The following ZFHX4 variants were observed in gnomAD, a reference collection of about 807,000 sequenced individuals.
The protein encoded by ZFHX4 is zinc finger homeobox protein 4.
Under a neutral mutation model 267.6 loss-of-function variants are expected in ZFHX4, and 56 were observed. That is an observed-to-expected ratio of 0.21 (90% CI 0.17 to 0.26). ZFHX4 has a LOEUF of 0.26. ZFHX4 is among the 10% of genes least tolerant of loss of function. The probability of loss-of-function intolerance (pLI) is 1.00; values close to 1 mark genes in which losing one functional copy is unlikely to be tolerated. For synonymous variants in ZFHX4, 1,778 were observed against 1,665.6 expected, an observed-to-expected ratio of 1.07 and a Z score of -1.64; for missense variants, 4,332 against 4,420.0, an observed-to-expected ratio of 0.98 and a Z score of 0.56.
intron 4 of ZFHX4, among the ~76,000 whole-genome samples, chr8:76,831,781 C>T (rs1353062557): frequency 6.6e-6 from 1 of 151,992 alleles, no homozygotes; most frequent in African/African-American, 2.4e-5. Context: ...ATAGGAGGCT[C>T]ACAGAGGAAG....
intron 4 of ZFHX4, among the ~76,000 whole-genome samples, chr8:76,814,956 C>A (rs925589548): frequency 6.6e-6 from 1 of 151,834 alleles, no homozygotes; most frequent in African/African-American, 2.4e-5. Context: ...TTTAGAATAG[C>A]CTGTAATGGA....
intron 5 of ZFHX4, among the ~76,000 whole-genome samples, chr8:76,835,996 C>T (rs981884939): frequency 1.1e-4 from 17 of 152,112 alleles, no homozygotes; most frequent in African/African-American, 3.9e-4. Flanking sequence ...CTCCTCTTTT[C>T]TCCATCTCAA....
chr8:76,823,063 A>G (rs1354185247), intron 4 of ZFHX4, among the ~76,000 whole-genome samples: 1 of 150,924 alleles, frequency 6.6e-6, no homozygotes, highest in Non-Finnish European at 1.5e-5. Flanking sequence ...AAATGACTCT[A>G]CTACCTTTCT....
intron 10 of ZFHX4, 96 bp downstream of exon 10, chr8:76,856,396 A>C (rs962951360): frequency 7.3e-6 from 10 of 1,361,368 alleles, no homozygotes; most frequent in African/African-American, 2.9e-5. Flanking sequence ...GATTTCTTTT[A>C]ATTTCAGCTA....
chr8:76,829,321 T>G (rs1746386901), intron 4 of ZFHX4, among the ~76,000 whole-genome samples: 1 of 151,526 alleles, frequency 6.6e-6, no homozygotes, highest in Non-Finnish European at 1.5e-5. Flanking sequence ...GATGGGAACT[T>G]GATGATTTTT....
In ZFHX4 at chr8:76,830,424, G is replaced by A. The variant is rs554239827; in HGVS notation, c.3326-2914G>A. Among the ~76,000 whole-genome samples, 5 of 152,260 alleles carry A rather than the reference G, an allele frequency of 3.3e-5. No homozygotes were observed. The South Asian group carries it at 6.2e-4, about 19-fold the overall frequency. Reference sequence around the variant, plus strand: ...AAATTACCAGCAAAAGAGACAAATCGTGTTAACAGCAGTCAGATTTGTTAT... The same window carrying A: ...AAATTACCAGCAAAAGAGACAAATCATGTTAACAGCAGTCAGATTTGTTAT... On this transcript the variant is annotated intron_variant, in intron 4 of 10. Transcript: ENST00000651372.
At chr8:76,741,186 A>G in intron 3 of ZFHX4, among the ~76,000 whole-genome samples, 1 of 152,338 alleles carries the variant, frequency 6.6e-6, no homozygotes, top group African/African-American at 2.4e-5. Flanking sequence ...GAGGGTTCAG[A>G]ATATCTGGAG....
chr8:76,683,758 C>A (rs190882975), intron 1 of ZFHX4: 2 of 148,826 alleles, frequency 1.3e-5, no homozygotes, highest in Non-Finnish European at 3.0e-5. Flanking sequence ...TCCCTATAAA[C>A]GTGGAGTGGT....
chr8:76,849,946 A>G, intron 8 of ZFHX4: 1 of 589,920 alleles, frequency 1.7e-6, no homozygotes, highest in Non-Finnish European at 3.0e-6. Flanking sequence ...TCTTCTTTTT[A>G]TATCTATAAT....
At chr8:76,721,444 G>A (rs1387260711) in intron 3 of ZFHX4, among the ~76,000 whole-genome samples, 1 of 152,164 alleles carries the variant, frequency 6.6e-6, no homozygotes, top group Non-Finnish European at 1.5e-5. Flanking sequence ...AGGCAAATGA[G>A]ACAGACACAA....
chr8:76,705,633 A>G lies in ZFHX4; in HGVS notation c.1545A>G (p.Leu515=), dbSNP rs1808238550. ...QSISPLSSSV[L]KFIEKGTSSS... is the part of the protein sequence containing the mutation. The stretch of plus-strand genomic sequence containing the variant: ...TTTCTCCTTTATCATCCAGTGTGCT[A>G]AAATTTATTGAAAAGGGTACCTCGT... Residue 515 remains leucine, a synonymous_variant, in exon 2 of 11, where the codon CTA becomes CTG. Coordinates refer to ENST00000651372, the MANE Select transcript of ZFHX4 (RefSeq NM_024721.5). 3.1e-6 allele frequency: 5 copies of G among 1,613,854 alleles called. No individual in the cohort carries two copies. Among genetic ancestry groups the G allele is most frequent in the Non-Finnish European group, 4.2e-6 (5 of 1,179,872 alleles).
rs76320093 is a variant in ZFHX4 at position 76,863,198 on chromosome 8, C to A, written c.9484C>A (p.Pro3162Thr). The change falls in exon 11 of 11, where the codon CCA becomes ACA. Residue 3162 changes from proline (P) to threonine (T), a missense_variant. Around this residue, in one of 7 missense-constraint regions of ZFHX4, gnomAD observed 1,648 missense variants for 1,625.0 expected, o/e 1.01. Coordinates refer to ENST00000651372, the MANE Select transcript of ZFHX4 (RefSeq NM_024721.5). ...SAPTKPLLQT[P>T]PPPPPPPPPP... ...CCCCACCAAACCTTTGCTGCAGACT[C>A]CACCACCTCCACCACCTCCTCCTCC... The A allele has an allele frequency of 1.3e-6, 2 of 1,565,088 alleles. No individual in the cohort carries two copies. Among genetic ancestry groups the A allele is most frequent in the East Asian group, 4.8e-5 (2 of 41,978 alleles).
intron 3 of ZFHX4, among the ~76,000 whole-genome samples, chr8:76,753,235 T>C (rs534106864): frequency 2.6e-5 from 4 of 152,300 alleles, no homozygotes; most frequent in African/African-American, 9.6e-5. Context: ...AATCAGCCTT[T>C]ACTGATTTAC....
chr8:76,819,867 T>C (rs1811603487), intron 4 of ZFHX4, among the ~76,000 whole-genome samples: 1 of 152,176 alleles, frequency 6.6e-6, no homozygotes, highest in Admixed American at 6.5e-5. Flanking sequence ...TGCAAGCAAC[T>C]TGGGCAAATT....
At chr8:76,840,845 C>T (rs1025145603) in intron 5 of ZFHX4, among the ~76,000 whole-genome samples, 3 of 152,194 alleles carry the variant, frequency 2.0e-5, no homozygotes, top group Admixed American at 6.5e-5. Context: ...GATCTCAGCC[C>T]TCCAGCCTCC....
At chr8:76,833,867 T>A (rs1236913778) in intron 5 of ZFHX4, among the ~76,000 whole-genome samples, 2 of 152,176 alleles carry the variant, frequency 1.3e-5, no homozygotes, top group Admixed American at 1.3e-4. Context: ...TCTCTATAAA[T>A]CTTCTGTGCC....
Position 76,833,422 on chromosome 8 carries a change from CCTT to C in ZFHX4, c.3394+19_3394+21del. 1 of 1,584,286 alleles carries C rather than the reference CCTT, an allele frequency of 6.3e-7. No individual in the cohort carries two copies. The stretch of plus-strand genomic sequence containing the variant: ...TCGACCTCAGGTAATGGTTCCTACT[CCTT>C]CTCAAAATATTTCCTTGTCCTAAAT... On this transcript the variant is annotated intron_variant, in intron 5 of 10. Transcript: ENST00000651372.
In ZFHX4 at chr8:76,708,004, C is replaced by A. The variant is rs1370539096; in HGVS notation, c.3049C>A (p.His1017Asn). Residue 1017 changes from histidine to asparagine, a missense_variant, in exon 3 of 11, where the codon CAT (histidine) becomes AAT (asparagine). Transcript: ENST00000651372. Reference protein sequence around the residue: ...YTNSVDKLRLHTTNHRHEAAL... With the variant: ...YTNSVDKLRLNTTNHRHEAAL... ...CAACAGTGTGGATAAATTACGCTTG[C>A]ATACCACCAATCACAGGCACGAGGC... is the stretch of plus-strand genomic sequence containing the variant. The A allele has an allele frequency of 6.2e-7, 1 of 1,613,950 alleles. No individual in the cohort carries two copies. Among genetic ancestry groups the A allele is most frequent in the Non-Finnish European group, 8.5e-7 (1 of 1,179,892 alleles).
At chr8:76,812,202 G>A (rs77183006) in intron 4 of ZFHX4, among the ~76,000 whole-genome samples, 5,236 of 152,168 alleles carry the variant, frequency 0.034, 213 homozygotes, top group East Asian at 0.18. Context: ...AAAACTTTTC[G>A]TTGATTTACT....
Sources: gnomAD v4.1 joint callset for allele counts (sites outside exome capture counted in the v4.1 genomes callset) on GRCh38, gnomAD v4.1.1 for gene constraint, gnomAD v4.1.1 regional missense constraint, MANE v1.5 for transcripts, NCBI Gene and HGNC (gene_info 2026-07-23, HGNC 2026-07-21) for gene names.